The following ZDHHC14 variants were observed in gnomAD, a reference collection of about 807,000 sequenced individuals.
ZDHHC14 encodes zDHHC palmitoyltransferase 14.
A neutral mutation model predicts 47.7 loss-of-function variants in ZDHHC14; 16 were observed. The ratio of observed to expected loss-of-function variants is 0.34; its 90% CI spans 0.23 to 0.51. ZDHHC14 has a LOEUF of 0.51. Among genes scored for constraint, ZDHHC14 ranks in the 20% least tolerant of loss-of-function variants. The pLI, the probability that ZDHHC14 is intolerant of heterozygous loss-of-function variation, is 0.97. For synonymous variants in ZDHHC14, 293 were observed against 278.9 expected, an observed-to-expected ratio of 1.05 and a Z score of -0.50; for missense variants, 515 against 662.5, an observed-to-expected ratio of 0.78 and a Z score of 2.44.
intron 1 of ZDHHC14, among the ~76,000 whole-genome samples, chr6:157,492,006 G>A (rs1012945443): frequency 6.6e-6 from 1 of 152,244 alleles, no homozygotes; most frequent in Non-Finnish European, 1.5e-5. Flanking sequence ...CAGGGAAGCC[G>A]GGGCTCCCCG....
At chr6:157,621,351 C>T (rs147743233) in intron 3 of ZDHHC14, among the ~76,000 whole-genome samples, 2,651 of 151,778 alleles carry the variant, frequency 0.017, 33 homozygotes, top group Non-Finnish European at 0.028. Context: ...GTAAAAAAGC[C>T]CTACGTTTAA....
At chr6:157,613,643 G>T (rs1182050662) in intron 3 of ZDHHC14, among the ~76,000 whole-genome samples, 1 of 152,116 alleles carries the variant, frequency 6.6e-6, no homozygotes, top group Non-Finnish European at 1.5e-5. Context: ...TTAAATTCTG[G>T]TTGAAATAAA....
At chr6:157,548,167 T>C (rs891527042) in intron 2 of ZDHHC14, among the ~76,000 whole-genome samples, 64 of 152,272 alleles carry the variant, frequency 4.2e-4, no homozygotes, top group African/African-American at 1.4e-3. Context: ...TTGATTGCTT[T>C]TTGCCAGTTT....
intron 1 of ZDHHC14, among the ~76,000 whole-genome samples, chr6:157,480,215 C>G (rs986478550): frequency 2.0e-5 from 3 of 148,218 alleles, no homozygotes; most frequent in Admixed American, 2.0e-4. Flanking sequence ...TGCTAGATAA[C>G]AAATAGACTT....
intron 1 of ZDHHC14, among the ~76,000 whole-genome samples, chr6:157,416,444 C>T (rs568804242): frequency 4.6e-5 from 7 of 152,070 alleles, no homozygotes; most frequent in South Asian, 2.1e-4. Flanking sequence ...AAGAGGATTG[C>T]TTAAGTTCAA....
chr6:157,552,177 A>G lies in ZDHHC14; in HGVS notation c.406+9432A>G, dbSNP rs548907043. Among the ~76,000 whole-genome samples the G allele has an allele frequency of 7.2e-5, 11 of 152,316 alleles. No homozygotes were observed. In the East Asian group the frequency reaches 2.1e-3, roughly 29 times the overall value. On this transcript the variant is annotated intron_variant, in intron 2 of 8. Coordinates refer to ENST00000359775, the MANE Select transcript of ZDHHC14 (RefSeq NM_024630.3). The stretch of plus-strand genomic sequence containing the variant: ...GCAAAATAAGATATTTCAATGACTC[A>G]CTGGAATATTACTATCATTAGTAGT...
intron 8 of ZDHHC14, 50 bp from the exon 9 acceptor site, chr6:157,672,647 CTGTCCCCATCCCTGTCCCTCCCCACCT>C: frequency 1.1e-6 from 1 of 871,764 alleles, no homozygotes; most frequent in South Asian, 1.6e-5. Flanking sequence ...CGCCCGTGCC[CTGTCCCCATCCCTGTCCCTCCCCACCT>C]CTGCCCCCTC....
chr6:157,528,459 C>T (rs1198621943), intron 1 of ZDHHC14, among the ~76,000 whole-genome samples: 2 of 151,196 alleles, frequency 1.3e-5, no homozygotes, highest in African/African-American at 2.4e-5. Flanking sequence ...AGGGTGGGCG[C>T]AGTGGCTCAC....
At chr6:157,553,388 C>A (rs565553872) in intron 2 of ZDHHC14, among the ~76,000 whole-genome samples, 11 of 152,236 alleles carry the variant, frequency 7.2e-5, no homozygotes, top group African/African-American at 2.4e-4. Flanking sequence ...AGATGCCTGA[C>A]TAGAGTTTGG....
chr6:157,573,806 T>C (rs992611243), intron 2 of ZDHHC14, among the ~76,000 whole-genome samples: 3 of 152,164 alleles, frequency 2.0e-5, no homozygotes, highest in East Asian at 1.9e-4. Flanking sequence ...CATGGTGCTC[T>C]ACTCCCAAGG....
chr6:157,523,364 C>G (rs182639674), intron 1 of ZDHHC14, among the ~76,000 whole-genome samples: 45 of 152,270 alleles, frequency 3.0e-4, no homozygotes, highest in Admixed American at 1.0e-3. Context: ...AAGCACTCTT[C>G]TCTTCAGCCT....
rs923604610 is a variant in ZDHHC14, at chr6:157,596,591, G to A, written c.565+3445G>A. On this transcript the variant is annotated intron_variant, in intron 3 of 8. Transcript: ENST00000359775. ...GTTAGTTGGCAGGCCCCAGTGGTTG[G>A]GGACCTGGCTCTGAGAACACACAGG... is the stretch of plus-strand genomic sequence containing the variant. 5.9e-5 allele frequency among the ~76,000 whole-genome samples: 9 copies of A among 152,278 alleles called. No individual in the cohort carries two copies. The East Asian group carries it at 1.2e-3, about 20-fold the overall frequency.
At chr6:157,635,879 G>A (rs1776946496) in intron 5 of ZDHHC14, among the ~76,000 whole-genome samples, 1 of 152,218 alleles carries the variant, frequency 6.6e-6, no homozygotes, top group African/African-American at 2.4e-5. Flanking sequence ...ATTCTCGGAT[G>A]GAGGTAAAGA....
intron 2 of ZDHHC14, among the ~76,000 whole-genome samples, chr6:157,591,512 TGTCA>T (rs1562495679): frequency 1.5e-4 from 23 of 152,222 alleles, no homozygotes; most frequent in African/African-American, 5.3e-4. Flanking sequence ...CTTCCCTTTC[TGTCA>T]TGATTATACA....
chr6:157,493,683 G>A (rs1583705548), intron 1 of ZDHHC14, among the ~76,000 whole-genome samples: 3 of 152,258 alleles, frequency 2.0e-5, no homozygotes, highest in Non-Finnish European at 4.4e-5. Context: ...CCAAAGCAGC[G>A]ATGCTGTCCT....
chr6:157,424,487 T>A lies in ZDHHC14; in HGVS notation c.245+42221T>A, dbSNP rs1186022560. ...CACAGATAGGGAGAGAACAAGTGTC[T>A]TTCTGAGGCTTTCTGAGCTTGAAGC... On this transcript the variant is annotated intron_variant, in intron 1 of 8. Coordinates refer to ENST00000359775, the MANE Select transcript of ZDHHC14 (RefSeq NM_024630.3). Among the ~76,000 whole-genome samples the A allele has an allele frequency of 4.6e-5, 7 of 152,190 alleles. No individual in the cohort carries two copies. The East Asian group carries it at 1.3e-3, about 29-fold the overall frequency.
chr6:157,501,514 C>T (rs2114738620), intron 1 of ZDHHC14, among the ~76,000 whole-genome samples: 1 of 152,298 alleles, frequency 6.6e-6, no homozygotes, highest in East Asian at 1.9e-4. Flanking sequence ...TTTCATAACA[C>T]TGAAATTTAA....
chr6:157,647,300 C>T lies in ZDHHC14; in HGVS notation c.897C>T (p.Tyr299=), dbSNP rs1392310012. Reference sequence around the variant, plus strand: ...CAAATAAAAGAGGTAAAGAAAATTACAATCCCTACAGCTACGGAAATATCT... The same window carrying T: ...CAAATAAAAGAGGTAAAGAAAATTATAATCCCTACAGCTACGGAAATATCT... ...SWSNKRGKEN[Y]NPYSYGNIFT... is the part of the protein sequence containing the mutation. The change falls in exon 7 of 9, where the codon TAC becomes TAT. Residue 299 remains tyrosine (Y), a synonymous_variant. Transcript: ENST00000359775. 1 of 1,614,036 alleles carries T rather than the reference C, an allele frequency of 6.2e-7. No individual in the cohort carries two copies. The highest frequency in any genetic ancestry group is 1.3e-5 in the African/African-American group (1 of 74,940).
chr6:157,672,271 T>C (rs1244554038), intron 8 of ZDHHC14, among the ~76,000 whole-genome samples: 6 of 152,230 alleles, frequency 3.9e-5, no homozygotes, highest in African/African-American at 1.4e-4. Context: ...CTTTTGACTT[T>C]TGACTTACTA....
Sources: allele counts gnomAD v4.1 joint callset (sites outside exome capture counted in the v4.1 genomes callset), GRCh38; gene constraint gnomAD v4.1.1; transcripts MANE v1.5; gene names NCBI Gene and HGNC (gene_info 2026-07-23, HGNC 2026-07-21).